The following TNFSF8 variants were observed in gnomAD, a reference collection of about 807,000 sequenced individuals.
The protein encoded by TNFSF8 is tumor necrosis factor ligand superfamily member 8.
A neutral mutation model predicts 22.0 loss-of-function variants in TNFSF8; 4 were observed. That is an observed-to-expected ratio of 0.18 (90% confidence interval 0.09 to 0.42). The LOEUF (loss-of-function observed/expected upper bound fraction) is 0.42, where lower values mean the gene tolerates loss of function less well. Ranked by LOEUF, TNFSF8 falls within the 10% of genes least tolerant of loss-of-function variation. The pLI, the probability that TNFSF8 is intolerant of heterozygous loss-of-function variation, is 1.00. For synonymous variants in TNFSF8, 106 were observed against 112.5 expected, an observed-to-expected ratio of 0.94 and a Z score of 0.37; for missense variants, 233 against 281.8, an observed-to-expected ratio of 0.83 and a Z score of 1.24.
chr9:114,924,772 T>C (rs1318584638), intron 1 of TNFSF8, among the ~76,000 whole-genome samples: 1 of 152,194 alleles, frequency 6.6e-6, no homozygotes, highest in Non-Finnish European at 1.5e-5. Context: ...CTCTGTGGCA[T>C]TCTGTGCCAT....
chr9:114,913,331 G>C (rs1482021278), intron 2 of TNFSF8, among the ~76,000 whole-genome samples: 1 of 152,194 alleles, frequency 6.6e-6, no homozygotes, highest in African/African-American at 2.4e-5. Context: ...CAGTGGGGAA[G>C]GAATTGTCCC....
intron 1 of TNFSF8, among the ~76,000 whole-genome samples, chr9:114,923,580 C>T (rs1828020722): frequency 2.1e-5 from 3 of 140,462 alleles, no homozygotes; most frequent in South Asian, 4.3e-4. Flanking sequence ...TGCAGTGGTG[C>T]CATCTCTGTT....
chr9:114,909,038 C>G (rs969988838), intron 2 of TNFSF8, among the ~76,000 whole-genome samples: 3 of 152,186 alleles, frequency 2.0e-5, no homozygotes, highest in African/African-American at 7.2e-5. Context: ...AAGACGTACA[C>G]TAAAAACACC....
At chr9:114,927,213 A>G (rs1246637604) in intron 1 of TNFSF8, among the ~76,000 whole-genome samples, 2 of 151,784 alleles carry the variant, frequency 1.3e-5, no homozygotes, top group African/African-American at 4.8e-5. Context: ...CAAAAATATC[A>G]CAGGAAAGAA....
chr9:114,909,076 G>A (rs1331657065), intron 2 of TNFSF8, among the ~76,000 whole-genome samples: 1 of 152,128 alleles, frequency 6.6e-6, no homozygotes, highest in Non-Finnish European at 1.5e-5. Flanking sequence ...CACAGTGCTG[G>A]CAGCTCACAG....
intron 1 of TNFSF8, among the ~76,000 whole-genome samples, chr9:114,921,846 C>T (rs914748264): frequency 4.6e-5 from 7 of 152,186 alleles, no homozygotes; most frequent in Admixed American, 3.3e-4. Context: ...TGGTTATCAA[C>T]GAGGTATACT....
chr9:114,927,969 T>C (rs924884046), intron 1 of TNFSF8, among the ~76,000 whole-genome samples: 4 of 149,386 alleles, frequency 2.7e-5, no homozygotes, highest in Non-Finnish European at 4.5e-5. Context: ...AAAATGATGC[T>C]TTTTTTTTTC....
At chr9:114,906,710 A>G (rs1266076640) in intron 2 of TNFSF8, among the ~76,000 whole-genome samples, 2 of 152,210 alleles carry the variant, frequency 1.3e-5, no homozygotes, top group African/African-American at 2.4e-5. Flanking sequence ...TTATTATGGT[A>G]TTTAAGAAAT....
At chr9:114,920,599 A>T (rs1827975290) in intron 1 of TNFSF8, among the ~76,000 whole-genome samples, 1 of 152,256 alleles carries the variant, frequency 6.6e-6, no homozygotes, top group Non-Finnish European at 1.5e-5. Context: ...TTCAATGTGC[A>T]TATGAATCAC....
chr9:114,929,976 A>AGAGG (rs1564374189), intron 1 of TNFSF8, 133 bp downstream of exon 1: 2 of 369,446 alleles, frequency 5.4e-6, no homozygotes, highest in Non-Finnish European at 9.2e-6. Context: ...ATATATATAT[A>AGAGG]TAGAGAGAGA....
chr9:114,928,342 G>T (rs1828088659), intron 1 of TNFSF8, among the ~76,000 whole-genome samples: 1 of 152,152 alleles, frequency 6.6e-6, no homozygotes. Flanking sequence ...CTTTCTCAGG[G>T]TGACGTAGTT....
At chr9:114,899,712 C>T (rs1440859784), downstream of TNFSF8, among the ~76,000 whole-genome samples, 8 of 152,148 alleles carry the variant, frequency 5.3e-5, no homozygotes, top group Non-Finnish European at 1.2e-4. Flanking sequence ...TGTAAACTGA[C>T]CTGGCACTCA....
chr9:114,906,290 C>T (rs779651258), intron 2 of TNFSF8, among the ~76,000 whole-genome samples: 6 of 152,150 alleles, frequency 3.9e-5, no homozygotes, highest in Non-Finnish European at 5.9e-5. Flanking sequence ...CTGGGGGCCA[C>T]GCAGGTGAAA....
In TNFSF8 at chr9:114,918,791, G is replaced by A. The variant is rs191521469; in HGVS notation, c.196-653C>T. Among the ~76,000 whole-genome samples the A allele has an allele frequency of 1.9e-3, 287 of 152,268 alleles. 2 individuals are homozygous for A. The highest frequency in any genetic ancestry group is 6.4e-3 in the African/African-American group (267 of 41,562). ...AAGTTTTGTATTTTTAGTAGACACA[G>A]GGTTTCACCATATTGGCCAGGTTGG... On this transcript the variant is annotated intron_variant, in intron 1 of 3. Coordinates refer to ENST00000223795, the MANE Select transcript of TNFSF8 (RefSeq NM_001244.4).
downstream of TNFSF8, among the ~76,000 whole-genome samples, chr9:114,897,090 G>A (rs569771817): frequency 4.6e-5 from 7 of 152,036 alleles, no homozygotes; most frequent in African/African-American, 1.4e-4. Context: ...TAGTAGAGAC[G>A]GGGTTTCTCC....
chr9:114,896,461 TC>T (rs1158003999), downstream of TNFSF8, among the ~76,000 whole-genome samples: 1 of 152,208 alleles, frequency 6.6e-6, no homozygotes, highest in Non-Finnish European at 1.5e-5. Flanking sequence ...ATTTAAACTT[TC>T]TAGTGTATTT....
chr9:114,902,707 A>G lies in TNFSF8; in HGVS notation c.*1224T>C. The G allele has an allele frequency of 5.1e-6, 5 of 985,268 alleles. No individual in the cohort carries two copies. Among genetic ancestry groups the G allele is most frequent in the Non-Finnish European group, 6.0e-6 (5 of 829,922 alleles). The allele number at this position is 985,268 out of a possible 1,614,324, so 61.0% of individuals were successfully genotyped here. On this transcript the variant is annotated 3_prime_UTR_variant, in exon 4 of 4. Transcript: ENST00000223795. ...TAGGGGGGCCTTATTTTGGTTGGAG[A>G]GCTTCCAAAATTGTGTCTGGAATCT...
Position 114,930,073 on chromosome 9 carries a change from C to T in TNFSF8, c.195+36G>A, listed in dbSNP as rs201431210. 3.7e-5 allele frequency: 52 copies of T among 1,409,522 alleles called. No individual in the cohort carries two copies. The African/African-American group carries it at 7.0e-4, about 19-fold the overall frequency. 87.3% of individuals were successfully genotyped at this position (1,409,522 alleles called of 1,614,324 possible). A position where few individuals can be genotyped will look rare whatever the true frequency, so the allele number is the denominator to read the frequency against. On this transcript the variant is annotated intron_variant, in intron 1 of 3. Coordinates refer to ENST00000223795, the MANE Select transcript of TNFSF8 (RefSeq NM_001244.4). ...AGGGCTCTTTCTCTCGGGAAAACAA[C>T]AAGAAAAGGAAAGGGAGGAAGAGGA...
chr9:114,894,975 A>G lies in TNFSF8; in HGVS notation c.410-811T>C, dbSNP rs533809025. Among the ~76,000 whole-genome samples, 17 of 152,330 alleles carry G rather than the reference A, an allele frequency of 1.1e-4. No individual in the cohort carries two copies. In the South Asian group the frequency reaches 1.2e-3, roughly 11 times the overall value. On this transcript the variant is annotated intron_variant, in intron 4 of 4. Coordinates refer to the TNFSF8 transcript ENST00000618336. ...TGCCATGCGCTGACTGCATCAGGCC[A>G]GCTGGTAAAATGAGACTCATTGTGA...
Sources: allele counts gnomAD v4.1 joint callset (sites outside exome capture counted in the v4.1 genomes callset), GRCh38; gene constraint gnomAD v4.1.1; transcripts MANE v1.5; gene names NCBI Gene and HGNC (gene_info 2026-07-23, HGNC 2026-07-21).